Variants in AKAP6 observed in about 807,000 individuals in gnomAD.
The protein encoded by AKAP6 is A-kinase anchoring protein 6, also known as A-kinase anchor protein 6.
A neutral mutation model predicts 188.5 loss-of-function variants in AKAP6; 58 were observed. The observed-to-expected ratio is 0.31, with a 90% CI of 0.25 to 0.38. AKAP6 has a LOEUF of 0.38. AKAP6 is among the 10% of genes least tolerant of loss of function. The pLI, the probability that AKAP6 is intolerant of heterozygous loss-of-function variation, is 1.00. For synonymous variants in AKAP6, 989 were observed against 998.6 expected, an observed-to-expected ratio of 0.99 and a Z score of 0.18; for missense variants, 2,710 against 2,740.0, an observed-to-expected ratio of 0.99 and a Z score of 0.24.
intron 2 of AKAP6, among the ~76,000 whole-genome samples, chr14:32,469,146 G>A (rs1878627942): frequency 6.6e-6 from 1 of 152,168 alleles, no homozygotes; most frequent in African/African-American, 2.4e-5. Context: ...CCTGCCACTA[G>A]ACTTTGTGCC....
intron 1 of AKAP6, among the ~76,000 whole-genome samples, chr14:32,346,733 C>T (rs1887080086): frequency 6.6e-6 from 1 of 152,192 alleles, no homozygotes; most frequent in Non-Finnish European, 1.5e-5. Flanking sequence ...TGGTCTCGAT[C>T]TCCTGACCTT....
intron 7 of AKAP6, among the ~76,000 whole-genome samples, chr14:32,642,240 G>A (rs146462876): frequency 3.3e-5 from 5 of 152,236 alleles, no homozygotes; most frequent in African/African-American, 1.2e-4. Flanking sequence ...TACCAAAATG[G>A]TTGTGTTTAT....
intron 9 of AKAP6, among the ~76,000 whole-genome samples, chr14:32,709,620 T>C (rs1220643334): frequency 6.6e-6 from 1 of 152,090 alleles, no homozygotes; most frequent in South Asian, 2.1e-4. Context: ...GGATTGTTTT[T>C]ATCCATTCCA....
At chr14:32,716,944 T>C (rs1731666371) in intron 9 of AKAP6, among the ~76,000 whole-genome samples, 2 of 152,158 alleles carry the variant, frequency 1.3e-5, no homozygotes, top group African/African-American at 4.8e-5. Flanking sequence ...CTAAAATTTC[T>C]TACAAGTATG....
At chr14:32,523,681 C>G (rs1247271395) in intron 2 of AKAP6, among the ~76,000 whole-genome samples, 2 of 151,382 alleles carry the variant, frequency 1.3e-5, no homozygotes, top group African/African-American at 4.9e-5. Flanking sequence ...GTCGCCCAGA[C>G]TGGTCTCGAG....
chr14:32,541,794 C>G (rs1193187376), intron 3 of AKAP6, among the ~76,000 whole-genome samples: 1 of 152,144 alleles, frequency 6.6e-6, no homozygotes, highest in Non-Finnish European at 1.5e-5. Context: ...AATTGGGAAT[C>G]TCACTATTAC....
chr14:32,824,328 C>T lies in AKAP6; in HGVS notation c.6515C>T (p.Ser2172Phe). The T allele has an allele frequency of 6.2e-7, 1 of 1,613,810 alleles. No homozygotes were observed. The highest frequency in any genetic ancestry group is 2.2e-5 in the East Asian group (1 of 44,856). ...TCTGATGGAGAGGAGCCTTGTTTCT[C>T]TAGTGCTCCTCCAAATGAATCTGCA... ...GDSDGEEPCF[S>F]SAPPNESAVP... The change falls in exon 13 of 14, where the codon TCT becomes TTT. Residue 2172 changes from serine (S) to phenylalanine (F), a missense_variant. Transcript: ENST00000280979.
chr14:32,684,676 A>G (rs973559950), intron 8 of AKAP6, among the ~76,000 whole-genome samples: 7 of 152,190 alleles, frequency 4.6e-5, no homozygotes, highest in Admixed American at 2.0e-4. Context: ...TGATTGGGAC[A>G]TTTAACCTCA....
chr14:32,498,109 A>G (rs1342794426), intron 2 of AKAP6, among the ~76,000 whole-genome samples: 1 of 152,138 alleles, frequency 6.6e-6, no homozygotes, highest in Non-Finnish European at 1.5e-5. Context: ...CTACAATTCC[A>G]TTTCTACAAT....
chr14:32,798,358 C>T (rs116155876), intron 12 of AKAP6, among the ~76,000 whole-genome samples: 269 of 152,264 alleles, frequency 1.8e-3, no homozygotes, highest in African/African-American at 6.2e-3. Flanking sequence ...GAACTTAAAA[C>T]CATTTGACCC....
At chr14:32,773,975 C>A in intron 12 of AKAP6, 82 bp downstream of exon 12, 1 of 1,435,180 alleles carries the variant, frequency 7.0e-7, no homozygotes. Context: ...AAACGGTGTT[C>A]ATCTTATAAA....
rs769079678 is a variant in AKAP6 at position 32,822,037 on chromosome 14, G to A, written c.4224G>A (p.Val1408=). 4.3e-6 allele frequency: 7 copies of A among 1,613,898 alleles called. No homozygotes were observed. In the Admixed American group the frequency reaches 1.2e-4, roughly 27 times the overall value. ...LDPQMGDAVN[V]LKQKFTDEGE... ...CACAAATGGGAGATGCAGTTAACGT[G>A]TTAAAGCAAAAATTTACAGATGAGG... The change falls in exon 13 of 14, where the codon GTG becomes GTA. Residue 1408 remains valine, a synonymous_variant. Transcript: ENST00000280979.
intron 12 of AKAP6, among the ~76,000 whole-genome samples, chr14:32,786,479 T>A (rs1286933324): frequency 1.0e-5 from 1 of 99,832 alleles, no homozygotes; most frequent in African/African-American, 3.1e-5. Flanking sequence ...GGCTAATTAT[T>A]TTATTTTATT....
In AKAP6 at chr14:32,546,179, G is replaced by C. The variant is rs775238509; in HGVS notation, c.1526G>C (p.Arg509Pro). The change falls in exon 4 of 14, where the codon CGA becomes CCA. Residue 509 changes from arginine to proline, a missense_variant. Physicochemically the swap from Arg to Pro is moderately radical, Grantham distance 103 (BLOSUM62 -2). Transcript: ENST00000280979. ...ACCTCAGAAGAGGTGCCTCCATGCCGAACACCTAAACGGGGGACTGGTTCA... is the reference window on the plus strand; with the variant it reads ...ACCTCAGAAGAGGTGCCTCCATGCCCAACACCTAAACGGGGGACTGGTTCA... ...HKTSEEVPPCRTPKRGTGSGK... is the reference protein window; with the variant it reads ...HKTSEEVPPCPTPKRGTGSGK... The C allele has an allele frequency of 7.4e-6, 12 of 1,613,876 alleles. No individual in the cohort carries two copies. In the South Asian group the frequency reaches 1.3e-4, roughly 18 times the overall value.
In AKAP6 at chr14:32,403,350, A is replaced by G. The variant is rs572658345; in HGVS notation, c.-34-30110A>G. On this transcript the variant is annotated intron_variant, in intron 1 of 13. Coordinates refer to ENST00000280979, the MANE Select transcript of AKAP6 (RefSeq NM_004274.5). ...TGACCTCACAAATACTATAGCAGTA[A>G]GAGTTCTCTTGGGATACCTCTGTTC... 4 of 152,366 alleles carry G rather than the reference A, an allele frequency of 2.6e-5. 1 individual carries two copies. In the South Asian group the frequency reaches 8.3e-4, roughly 32 times the overall value. 9.4% of individuals were successfully genotyped at this position (152,366 alleles called of 1,614,324 possible).
At chr14:32,738,395 A>G (rs1028113728) in intron 11 of AKAP6, among the ~76,000 whole-genome samples, 7 of 152,176 alleles carry the variant, frequency 4.6e-5, no homozygotes, top group African/African-American at 1.7e-4. Flanking sequence ...GAGGAAGAGC[A>G]AGTTTAGACC....
At chr14:32,690,076 T>TAC (rs10658220) in intron 8 of AKAP6, among the ~76,000 whole-genome samples, 37,474 of 135,736 alleles carry the variant, frequency 0.28, 5,043 homozygotes, top group East Asian at 0.46. Flanking sequence ...TGCCCCAAAA[T>TAC]ACACACACAC....
chr14:32,649,707 T>C (rs1370762700), intron 7 of AKAP6, among the ~76,000 whole-genome samples: 2 of 152,210 alleles, frequency 1.3e-5, no homozygotes, highest in Non-Finnish European at 2.9e-5. Flanking sequence ...AAATGTGCAA[T>C]AATAAATCAC....
Position 32,822,635 on chromosome 14 carries a change from G to T in AKAP6, c.4822G>T (p.Asp1608Tyr), listed in dbSNP as rs759894861. ...GTTGACTTCCTATAAAAGCAATGAA[G>T]ATCTCTTTAGCTGTCACAGCTCTGG... The part of the protein sequence containing the change: ...SWLTSYKSNE[D>Y]LFSCHSSGDI... The change falls in exon 13 of 14, where the codon GAT becomes TAT. Residue 1608 changes from aspartate to tyrosine, a missense_variant. Physicochemically the swap from Asp to Tyr is radical, Grantham distance 160. Transcript: ENST00000280979. The T allele has an allele frequency of 3.1e-6, 5 of 1,614,008 alleles. No individual in the cohort carries two copies. The highest frequency in any genetic ancestry group is 4.2e-6 in the Non-Finnish European group (5 of 1,179,952).
Sources: gnomAD v4.1 joint callset for allele counts (sites outside exome capture counted in the v4.1 genomes callset) on GRCh38, gnomAD v4.1.1 for gene constraint, MANE v1.5 for transcripts, NCBI Gene and HGNC (gene_info 2026-07-23, HGNC 2026-07-21) for gene names.